Variants in GRIK1 observed in about 807,000 individuals in gnomAD.
GRIK1 encodes the protein glutamate ionotropic receptor kainate type subunit 1, also known as glutamate receptor ionotropic, kainate 1.
Under a neutral mutation model 105.7 loss-of-function variants are expected in GRIK1, and 69 were observed. The ratio of observed to expected loss-of-function variants is 0.65; its 90% CI spans 0.54 to 0.80. The LOEUF (loss-of-function observed/expected upper bound fraction) is 0.80. Ranked by LOEUF, GRIK1 falls within the 30% of genes least tolerant of loss-of-function variation. The probability of loss-of-function intolerance (pLI) is 0.00; values close to 1 mark genes in which losing one functional copy is unlikely to be tolerated. For synonymous variants in GRIK1, 438 were observed against 431.3 expected, an observed-to-expected ratio of 1.02 and a Z score of -0.19; for missense variants, 1,109 against 1,167.3, an observed-to-expected ratio of 0.95 and a Z score of 0.73.
intron 1 of GRIK1, among the ~76,000 whole-genome samples, chr21:29,913,202 A>G (rs1171814405): frequency 6.6e-6 from 1 of 152,076 alleles, no homozygotes; most frequent in African/African-American, 2.4e-5. Flanking sequence ...CAGCTCTGCC[A>G]CTAACTAGCT....
At chr21:29,876,109 G>GAT (rs548145467) in intron 1 of GRIK1, among the ~76,000 whole-genome samples, 3,652 of 50,968 alleles carry the variant, frequency 0.072, 70 homozygotes, top group Non-Finnish European at 0.12. Flanking sequence ...GGAGGAGATA[G>GAT]ATATGTGTGT....
At chr21:29,545,391 C>T (rs2090034883) in intron 16 of GRIK1, among the ~76,000 whole-genome samples, 1 of 152,196 alleles carries the variant, frequency 6.6e-6, no homozygotes, top group Admixed American at 6.5e-5. Flanking sequence ...CCTCTAGCTT[C>T]CCTCTGGCTT....
intron 7 of GRIK1, among the ~76,000 whole-genome samples, chr21:29,618,575 C>A (rs2061905183): frequency 6.6e-6 from 1 of 152,142 alleles, no homozygotes; most frequent in East Asian, 1.9e-4. Flanking sequence ...TTTATAGCAG[C>A]ACAAATTCAC....
intron 1 of GRIK1, among the ~76,000 whole-genome samples, chr21:29,731,822 T>C (rs34270968): frequency 0.015 from 2,259 of 152,300 alleles, 29 homozygotes; most frequent in Non-Finnish European, 0.02. Flanking sequence ...GCTTATTTCT[T>C]TGGGGCATTG....
chr21:29,538,604 T>C (rs1408559654), intron 16 of GRIK1, among the ~76,000 whole-genome samples: 1 of 152,062 alleles, frequency 6.6e-6, no homozygotes, highest in Admixed American at 6.6e-5. Context: ...CTAAAAACCA[T>C]AGCCTTTGGT....
At chr21:29,756,618 A>G (rs908309590) in intron 1 of GRIK1, among the ~76,000 whole-genome samples, 3 of 152,120 alleles carry the variant, frequency 2.0e-5, no homozygotes, top group Non-Finnish European at 2.9e-5. Flanking sequence ...CAAATATCCA[A>G]TGAATACCAG....
intron 4 of GRIK1, among the ~76,000 whole-genome samples, chr21:29,671,567 A>G (rs2063161334): frequency 6.6e-6 from 1 of 152,174 alleles, no homozygotes; most frequent in African/African-American, 2.4e-5. Flanking sequence ...GAGTCAGGCC[A>G]GATGATTATT....
At chr21:29,611,921 G>A (rs913771638) in intron 7 of GRIK1, among the ~76,000 whole-genome samples, 2 of 152,190 alleles carry the variant, frequency 1.3e-5, no homozygotes, top group African/African-American at 4.8e-5. Flanking sequence ...AGTTGCCCAA[G>A]TGGATCCCTC....
intron 7 of GRIK1, among the ~76,000 whole-genome samples, chr21:29,622,475 G>T (rs1349406856): frequency 1.3e-5 from 2 of 152,134 alleles, no homozygotes; most frequent in Non-Finnish European, 2.9e-5. Flanking sequence ...TCCTCCACCA[G>T]CTTGGTACAT....
At chr21:29,553,601 C>A (rs769191901) in intron 16 of GRIK1, 3 of 1,606,236 alleles carry the variant, frequency 1.9e-6, no homozygotes, top group African/African-American at 1.3e-5. Flanking sequence ...TCTCTCCTCT[C>A]GAATTAATTT....
At chr21:29,670,555 A>G (rs938696888) in intron 4 of GRIK1, among the ~76,000 whole-genome samples, 1 of 152,238 alleles carries the variant, frequency 6.6e-6, no homozygotes, top group Non-Finnish European at 1.5e-5. Flanking sequence ...GTTCTTGCCT[A>G]TTCCAGACCT....
At chr21:29,891,551 C>T (rs2069899903) in intron 1 of GRIK1, among the ~76,000 whole-genome samples, 1 of 152,176 alleles carries the variant, frequency 6.6e-6, no homozygotes, top group Non-Finnish European at 1.5e-5. Flanking sequence ...TCATCAATAG[C>T]TGAAGCAATG....
At chr21:29,590,675 C>T (rs1024168723) in intron 10 of GRIK1, among the ~76,000 whole-genome samples, 1 of 152,166 alleles carries the variant, frequency 6.6e-6, no homozygotes, top group African/African-American at 2.4e-5. Context: ...AACAGTGCCA[C>T]TGATGGGCAG....
At chr21:29,778,580 C>T (rs1021126575) in intron 1 of GRIK1, among the ~76,000 whole-genome samples, 1 of 152,176 alleles carries the variant, frequency 6.6e-6, no homozygotes, top group Non-Finnish European at 1.5e-5. Flanking sequence ...AATTATTTGA[C>T]TTAGGATGGA....
chr21:29,547,309 A>T (rs562933048), intron 16 of GRIK1, among the ~76,000 whole-genome samples: 1 of 152,380 alleles, frequency 6.6e-6, no homozygotes, highest in African/African-American at 2.4e-5. Context: ...GGCAGGACAC[A>T]GTCATTCTGA....
At chr21:29,736,242 TAG>T (rs1244793604) in intron 1 of GRIK1, among the ~76,000 whole-genome samples, 8 of 152,174 alleles carry the variant, frequency 5.3e-5, no homozygotes, top group Non-Finnish European at 8.8e-5. Flanking sequence ...ATTTTTGAGA[TAG>T]AGTTTCTCTT....
At chr21:29,718,264 T>A (rs562703446) in intron 1 of GRIK1, among the ~76,000 whole-genome samples, 4 of 152,242 alleles carry the variant, frequency 2.6e-5, no homozygotes, top group Non-Finnish European at 5.9e-5. Flanking sequence ...CTCTGAGATG[T>A]TAAGCAGCTT....
intron 1 of GRIK1, among the ~76,000 whole-genome samples, chr21:29,913,136 G>A (rs2070876579): frequency 4.6e-5 from 7 of 151,930 alleles, no homozygotes; most frequent in Admixed American, 4.6e-4. Context: ...AAGCACCTGT[G>A]TTGCCCTGGC....
chr21:29,574,062 A>G (rs1489284584), intron 14 of GRIK1, among the ~76,000 whole-genome samples: 5 of 151,972 alleles, frequency 3.3e-5, no homozygotes, highest in Non-Finnish European at 7.3e-5. Context: ...TACTGTATAA[A>G]CTTACCTTTA....
Sources: gnomAD v4.1 joint callset for allele counts (sites outside exome capture counted in the v4.1 genomes callset) on GRCh38, gnomAD v4.1.1 for gene constraint, MANE v1.5 for transcripts, NCBI Gene and HGNC (gene_info 2026-07-23, HGNC 2026-07-21) for gene names.